IL17RC: variants seen among roughly 807,000 people sequenced by gnomAD.
IL17RC encodes the protein interleukin-17 receptor C.
A neutral mutation model predicts 86.7 loss-of-function variants in IL17RC; 53 were observed. The ratio of observed to expected loss-of-function variants is 0.61; its 90% CI spans 0.49 to 0.77. The LOEUF (loss-of-function observed/expected upper bound fraction) is 0.77. Ranked by LOEUF, IL17RC falls within the 30% of genes least tolerant of loss-of-function variation. The pLI, the probability that IL17RC is intolerant of heterozygous loss-of-function variation, is 0.00. For synonymous variants in IL17RC, 439 were observed against 413.1 expected (o/e 1.06, Z -0.76); for missense variants, 957 against 940.0 (o/e 1.02, Z -0.24).
intron 7 of IL17RC, among the ~76,000 whole-genome samples, chr3:9,922,445 T>C (rs1289385268): frequency 6.6e-6 from 1 of 152,276 alleles, no homozygotes; most frequent in Non-Finnish European, 1.5e-5. Flanking sequence ...ACCAGAGTTT[T>C]GAAAACACAG....
chr3:9,918,961 A>G (rs2083327108), intron 5 of IL17RC: 2 of 177,182 alleles, frequency 1.1e-5, no homozygotes, highest in Admixed American at 1.2e-4. Flanking sequence ...TCCTACCAGC[A>G]GTGTATGGGA....
chr3:9,920,414 C>T (rs753850893), intron 5 of IL17RC, 77 bp from the exon 6 acceptor site: 3 of 817,298 alleles, frequency 3.7e-6, no homozygotes, highest in Non-Finnish European at 6.3e-6. Context: ...CAGAGTGGTC[C>T]CTGCAGATGA....
rs1053325748 is a variant in IL17RC, at chr3:9,923,888, C to G, written c.630C>G (p.Pro210=). The change falls in exon 8 of 19, where the codon CCC becomes CCG. Residue 210 remains proline, a synonymous_variant. Coordinates refer to ENST00000403601, the MANE Select transcript of IL17RC (RefSeq NM_153460.4). ...WNSIPSCWAL[P]WLNVSADGDN... ...CTTTGCCTCTCCCACCAGCCCTGCC[C>G]TGGCTCAACGTGTCAGCAGATGGTG... is the stretch of plus-strand genomic sequence containing the variant. 6.2e-7 allele frequency: 1 copy of G among 1,613,906 alleles called. No individual in the cohort carries two copies. Among genetic ancestry groups the G allele is most frequent in the African/African-American group, 1.3e-5 (1 of 74,898 alleles).
rs142241185 is a variant in IL17RC, at chr3:9,917,987, G to A, written c.192G>A (p.Thr64=). The A allele has an allele frequency of 1.1e-4, 185 of 1,613,862 alleles. No homozygotes were observed. The highest frequency in any genetic ancestry group is 4.6e-4 in the South Asian group (42 of 91,080). Residue 64 remains threonine, a synonymous_variant, in exon 3 of 19, where the codon ACG becomes ACA. Coordinates refer to ENST00000403601, the MANE Select transcript of IL17RC (RefSeq NM_153460.4). ...VPAPGPVLAP[T]HLQTELVLRC... Reference sequence around the variant, plus strand: ...CTCCGGGCCCCGTGCTGGCGCCTACGCACCTGCAGACAGAGCTGGTGCTGA... The same window carrying A: ...CTCCGGGCCCCGTGCTGGCGCCTACACACCTGCAGACAGAGCTGGTGCTGA...
intron 7 of IL17RC, among the ~76,000 whole-genome samples, 186 bp downstream of exon 7, chr3:9,921,155 A>G (rs1175250574): frequency 6.6e-6 from 1 of 152,206 alleles, no homozygotes; most frequent in African/African-American, 2.4e-5. Flanking sequence ...AGCACTGGAA[A>G]TAGAAAGATG....
chr3:9,926,281 C>G (rs2084063629), intron 9 of IL17RC, among the ~76,000 whole-genome samples: 1 of 152,098 alleles, frequency 6.6e-6, no homozygotes, highest in Admixed American at 6.5e-5. Flanking sequence ...ATCCACCCGC[C>G]TCGGCCGCCC....
At position 9,929,768 on chromosome 3, in the gene IL17RC, C is replaced by T. The variant is rs1256942901; in HGVS notation, c.1111-84C>T. The stretch of plus-strand genomic sequence containing the variant: ...AGTGCAGATTCCCAACCCAACAGGC[C>T]TTCTGTTGCCTGCCCCATTCTGGTC... On this transcript the variant is annotated intron_variant, in intron 12 of 18. Coordinates refer to ENST00000403601, the MANE Select transcript of IL17RC (RefSeq NM_153460.4). 12 of 1,483,442 alleles carry T rather than the reference C, an allele frequency of 8.1e-6. No individual in the cohort carries two copies. In the Admixed American group the frequency reaches 8.4e-5, roughly 10 times the overall value. 91.9% of individuals were successfully genotyped at this position (1,483,442 alleles called of 1,614,324 possible). A position where few individuals can be genotyped will look rare whatever the true frequency, so the allele number is the denominator to read the frequency against.
intron 6 of IL17RC, 149 bp from the exon 7 acceptor site, chr3:9,920,776 C>G: frequency 7.8e-6 from 6 of 770,314 alleles, no homozygotes; most frequent in South Asian, 5.2e-5. Context: ...TTTCCAGCCC[C>G]TGGGGAAGGT....
chr3:9,920,473 T>C lies in IL17RC; in HGVS notation c.466-18T>C, dbSNP rs783494. ...CTGAGCCCTGCACCGCCAGCCTTCC[T>C]CACCCCTCTCCTCACAGGGCTCTGT... On this transcript the variant is annotated intron_variant, in intron 5 of 18. Coordinates refer to ENST00000403601, the MANE Select transcript of IL17RC (RefSeq NM_153460.4). 812,042 of 1,531,072 alleles carry C rather than the reference T, an allele frequency of 0.53. 222,161 individuals are homozygous for C. Among genetic ancestry groups the C allele is most frequent in the Non-Finnish European group, 0.56 (623,048 of 1,118,684 alleles). The allele number at this position is 1,531,072 out of a possible 1,614,324, so 94.8% of individuals were successfully genotyped here.
chr3:9,930,017 A>T lies in IL17RC; in HGVS notation c.1157-11A>T, dbSNP rs2125273994. 1 of 1,613,572 alleles carries T rather than the reference A, an allele frequency of 6.2e-7. No individual in the cohort carries two copies. The highest frequency in any genetic ancestry group is 1.7e-5 in the Admixed American group (1 of 59,976). ...TGGGTCTTGGTCAGAGTGGCCTCTCACCCCTTCCAGACTCCCTGGGGCCTC... is the reference window on the plus strand; with the variant it reads ...TGGGTCTTGGTCAGAGTGGCCTCTCTCCCCTTCCAGACTCCCTGGGGCCTC... On this transcript the variant is annotated splice_polypyrimidine_tract_variant and intron_variant, in intron 13 of 18. Transcript: ENST00000403601. The surrounding 1 kb of genome is among the most constrained non-coding windows in gnomAD (Gnocchi z 5.8).
At chr3:9,924,385 C>G in intron 9 of IL17RC, 94 bp downstream of exon 9, 2 of 1,324,436 alleles carry the variant, frequency 1.5e-6, no homozygotes, top group Non-Finnish European at 2.1e-6. Context: ...TCTTCAAACC[C>G]TTCATTGAGG....
rs760474237 is a variant in IL17RC, at chr3:9,933,296, G to C, written c.1866G>C (p.Gln622His). The part of the protein sequence containing the change: ...SLSCVLPDFL[Q>H]GRAPGSYVGA... ...GCTGCGTGCTGCCCGACTTCTTGCA[G>C]GGCCGGGCGCCCGGCAGCTACGTGG... The change falls in exon 19 of 19, where the codon CAG becomes CAC. Residue 622 changes from glutamine (Q) to histidine (H), a missense_variant. By Grantham distance (24) the Gln-to-His change is conservative (BLOSUM62 0). Transcript: ENST00000403601. The C allele has an allele frequency of 3.1e-6, 5 of 1,604,472 alleles. No homozygotes were observed. The East Asian group carries it at 9.0e-5, about 29-fold the overall frequency.
rs1159674026 is a variant in IL17RC at position 9,920,564 on chromosome 3, G to A, written c.539G>A (p.Arg180Lys). 3 of 1,608,168 alleles carry A rather than the reference G, an allele frequency of 1.9e-6. No individual in the cohort carries two copies. Among genetic ancestry groups the A allele is most frequent in the African/African-American group, 1.3e-5 (1 of 74,918 alleles). The change falls in exon 6 of 19, where the codon AGG becomes AAG. Residue 180 changes from arginine (R) to lysine (K), a missense_variant. Transcript: ENST00000403601. ...CGAATCTGGTCCTATACTCAGCCCAGGTACGAGAAGGAACTCAACCACACA... is the reference window on the plus strand; with the variant it reads ...CGAATCTGGTCCTATACTCAGCCCAAGTACGAGAAGGAACTCAACCACACA... ...EVRIWSYTQP[R>K]YEKELNHTQQ...
chr3:9,923,391 AAAAATAC>A (rs1249267377), intron 7 of IL17RC, among the ~76,000 whole-genome samples: 1 of 151,690 alleles, frequency 6.6e-6, no homozygotes. Context: ...CATCTCTACT[AAAAATAC>A]AAAAACTAGC....
Position 9,928,230 on chromosome 3 carries a change from C to G in IL17RC, c.877+10C>G, listed in dbSNP as rs747231250. ...TGCCCCTTCAGGGAGGGTGAGCCGA[C>G]CGGCCTGGGGCTGGGGTTGGGGTGT... On this transcript the variant is annotated intron_variant, in intron 10 of 18. Transcript: ENST00000403601. The G allele has an allele frequency of 6.3e-6, 10 of 1,594,902 alleles. No homozygotes were observed. The highest frequency in any genetic ancestry group is 6.8e-6 in the Non-Finnish European group (8 of 1,176,766).
chr3:9,928,576 AC>A lies in IL17RC; in HGVS notation c.1060-3del, dbSNP rs1301916040. ...TGATCCCACCCATTCCTCTCTTTCC[AC>A]AGAAGGTTCTCGAGTTCCCATTGCT... On this transcript the variant is annotated splice_polypyrimidine_tract_variant and splice_region_variant and intron_variant, in intron 11 of 18. Coordinates refer to ENST00000403601, the MANE Select transcript of IL17RC (RefSeq NM_153460.4). 4 of 1,613,628 alleles carry A rather than the reference AC, an allele frequency of 2.5e-6. No homozygotes were observed. The highest frequency in any genetic ancestry group is 3.4e-6 in the Non-Finnish European group (4 of 1,179,972).
chr3:9,925,114 CTTTTTT>C (rs777033749), intron 9 of IL17RC, among the ~76,000 whole-genome samples: 1 of 125,560 alleles, frequency 8.0e-6, no homozygotes, highest in African/African-American at 3.0e-5. Context: ...CCTGATTGCA[CTTTTTT>C]TTTTTTTTTT....
At chr3:9,925,238 CG>C (rs60785301) in intron 9 of IL17RC, among the ~76,000 whole-genome samples, 151,961 of 151,962 alleles carry the variant, frequency 1, 75,980 homozygotes, top group Middle Eastern at 1. Flanking sequence ...GCCTCAGCCT[CG>C]CTGAGTAGCT....
intron 6 of IL17RC, 41 bp from the exon 7 acceptor site, chr3:9,920,883 GC>G: frequency 1.9e-6 from 3 of 1,589,476 alleles, no homozygotes; most frequent in Admixed American, 1.8e-5. Context: ...TCTTTCCTTG[GC>G]CCCCAGCCCC....
Sources: allele counts gnomAD v4.1 joint callset (sites outside exome capture counted in the v4.1 genomes callset), GRCh38; gene constraint gnomAD v4.1.1; non-coding constraint Gnocchi (gnomAD v3.1); transcripts MANE v1.5; gene names NCBI Gene and HGNC (gene_info 2026-07-23, HGNC 2026-07-21).